Variants in DPH5 observed in about 807,000 individuals in gnomAD.
DPH5 encodes diphthamide biosynthesis 5.
Under a neutral mutation model 31.6 loss-of-function variants are expected in DPH5, and 31 were observed. The ratio of observed to expected loss-of-function variants is 0.98; its 90% CI spans 0.74 to 1.32. The LOEUF is 1.32. DPH5 is among the 40% of genes most tolerant of loss of function. The pLI, the probability that DPH5 is intolerant of heterozygous loss-of-function variation, is 0.00. For synonymous variants in DPH5, 120 were observed against 115.0 expected (o/e 1.04, Z -0.28); for missense variants, 309 against 335.7 (o/e 0.92, Z 0.62).
At chr1:101,008,553 T>A (rs1018895986) in intron 4 of DPH5, among the ~76,000 whole-genome samples, 1 of 151,456 alleles carries the variant, frequency 6.6e-6, no homozygotes, top group Non-Finnish European at 1.5e-5. Flanking sequence ...CTACCCAATA[T>A]GTAGTCTATT....
At chr1:101,021,920 C>T (rs1660489581) in intron 2 of DPH5, among the ~76,000 whole-genome samples, 155 bp from the exon 3 acceptor site, 1 of 151,822 alleles carries the variant, frequency 6.6e-6, no homozygotes, top group Admixed American at 6.6e-5. Flanking sequence ...TTCAATACAA[C>T]TCATCAGTAA....
intron 2 of DPH5, among the ~76,000 whole-genome samples, chr1:101,024,705 T>C (rs1660701194): frequency 6.6e-6 from 1 of 152,258 alleles, no homozygotes; most frequent in African/African-American, 2.4e-5. Flanking sequence ...CAACTATAAA[T>C]GTATAATATA....
intron 6 of DPH5, among the ~76,000 whole-genome samples, chr1:100,993,599 G>T (rs867381183): frequency 0.03 from 1,261 of 41,956 alleles, 26 homozygotes; most frequent in African/African-American, 0.076. Context: ...TATATATATA[G>T]CTATTGTGGC....
chr1:100,993,597 T>TATATATATAG (rs1396586819), intron 6 of DPH5, among the ~76,000 whole-genome samples: 1 of 130,124 alleles, frequency 7.7e-6, no homozygotes, highest in African/African-American at 2.9e-5. Context: ...TATATATATA[T>TATATATATAG]AGCTATTGTG....
chr1:101,019,130 A>G (rs927051004), intron 3 of DPH5, among the ~76,000 whole-genome samples: 6 of 152,220 alleles, frequency 3.9e-5, no homozygotes, highest in African/African-American at 1.2e-4. Context: ...TGTGTTTAAT[A>G]AAGACTTCTT....
chr1:101,021,813 TTC>T, intron 2 of DPH5, 48 bp from the exon 3 acceptor site: 1 of 1,268,712 alleles, frequency 7.9e-7, no homozygotes. Flanking sequence ...CAGGTGACCA[TTC>T]TAACACACAC....
At chr1:100,994,673 C>G (rs969275056) in intron 6 of DPH5, among the ~76,000 whole-genome samples, 2 of 151,982 alleles carry the variant, frequency 1.3e-5, no homozygotes, top group Non-Finnish European at 2.9e-5. Context: ...ATTAAAGGCA[C>G]GTGCCACCAC....
At chr1:101,002,152 G>A (rs1162495088) in intron 4 of DPH5, among the ~76,000 whole-genome samples, 1 of 152,166 alleles carries the variant, frequency 6.6e-6, no homozygotes, top group African/African-American at 2.4e-5. Context: ...AATTTGGCAA[G>A]ATTGTATTTG....
At chr1:101,009,527 G>T (rs1448599397) in intron 4 of DPH5, among the ~76,000 whole-genome samples, 1 of 152,158 alleles carries the variant, frequency 6.6e-6, no homozygotes, top group Non-Finnish European at 1.5e-5. Context: ...AATAGAAAAT[G>T]CTCTTACAAG....
intron 5 of DPH5, among the ~76,000 whole-genome samples, chr1:100,998,687 C>A (rs958611783): frequency 6.6e-6 from 1 of 152,082 alleles, no homozygotes; most frequent in Non-Finnish European, 1.5e-5. Context: ...TGCTAGACTT[C>A]TAGACATTAG....
intron 7 of DPH5, 93 bp from the exon 8 acceptor site, chr1:100,990,724 G>T: frequency 3.3e-6 from 4 of 1,197,390 alleles, no homozygotes; most frequent in Non-Finnish European, 4.7e-6. Flanking sequence ...TACATTTCAA[G>T]AAGCCCCAAA....
At chr1:101,005,583 C>G (rs1659170694) in intron 4 of DPH5, among the ~76,000 whole-genome samples, 1 of 152,136 alleles carries the variant, frequency 6.6e-6, no homozygotes, top group Admixed American at 6.5e-5. Flanking sequence ...TATTCTCACA[C>G]ATAAATGAGA....
rs1660749643 is a variant in DPH5, at chr1:101,025,371, G to A, written c.73C>T (p.Arg25Cys). The change falls in exon 2 of 8, where the codon CGC (arginine) becomes TGC (cysteine). Residue 25 changes from arginine to cysteine, a missense_variant. Coordinates refer to ENST00000370109, the MANE Select transcript of DPH5 (RefSeq NM_015958.3). ...GCTTCCAGATACACTCGACTGCAGCGTCTAACAACTTCCAGGCCCTTGACT... is the reference window on the plus strand; with the variant it reads ...GCTTCCAGATACACTCGACTGCAGCATCTAACAACTTCCAGGCCCTTGACT... The part of the protein sequence containing the change: ...ITVKGLEVVR[R>C]CSRVYLEAYT... 2 of 1,614,142 alleles carry A rather than the reference G, an allele frequency of 1.2e-6. No homozygotes were observed. The highest frequency in any genetic ancestry group is 1.7e-6 in the Non-Finnish European group (2 of 1,180,010).
At chr1:100,996,786 A>C (rs907976909) in intron 5 of DPH5, among the ~76,000 whole-genome samples, 3 of 152,150 alleles carry the variant, frequency 2.0e-5, no homozygotes, top group Non-Finnish European at 4.4e-5. Flanking sequence ...TAATTATATC[A>C]TATATATTGG....
chr1:100,990,257 G>C lies in DPH5; in HGVS notation c.*151C>G. The C allele has an allele frequency of 1.5e-6, 1 of 682,256 alleles. No homozygotes were observed. The highest frequency in any genetic ancestry group is 1.8e-5 in the South Asian group (1 of 55,132). 42.3% of individuals were successfully genotyped at this position (682,256 alleles called of 1,614,324 possible). On this transcript the variant is annotated 3_prime_UTR_variant, in exon 8 of 8. Transcript: ENST00000370109. ...GCTCACTATCATGAGAATAGCATGA[G>C]GGAAACTGCCCCCATGATTCAATTA...
At chr1:101,012,571 G>C (rs1387209951) in intron 4 of DPH5, among the ~76,000 whole-genome samples, 1 of 152,158 alleles carries the variant, frequency 6.6e-6, no homozygotes, top group Non-Finnish European at 1.5e-5. Flanking sequence ...ATAGTTCTAT[G>C]AACAGCATTT....
intron 4 of DPH5, among the ~76,000 whole-genome samples, chr1:101,013,050 GA>G (rs1314659822): frequency 6.6e-6 from 1 of 152,160 alleles, no homozygotes; most frequent in Non-Finnish European, 1.5e-5. Context: ...AACAATTGAT[GA>G]TGTCTTAAAA....
chr1:101,014,507 A>C (rs1659928324), intron 3 of DPH5, among the ~76,000 whole-genome samples: 1 of 152,222 alleles, frequency 6.6e-6, no homozygotes, highest in Non-Finnish European at 1.5e-5. Context: ...GCCAACAATC[A>C]TCTGAGCCTT....
rs778264787 is a variant in DPH5, at chr1:100,992,629, T to C, written c.634+8A>G. On this transcript the variant is annotated splice_region_variant and intron_variant, in intron 7 of 7. Transcript: ENST00000370109. ...ATAATATGAGAGCCCTTCTAGTGTC[T>C]TGAGTACCTGGTTCTTCTCCTCGTA... The C allele has an allele frequency of 6.2e-7, 1 of 1,609,680 alleles. No individual in the cohort carries two copies. The highest frequency in any genetic ancestry group is 1.7e-5 in the Admixed American group (1 of 60,014).
Sources: allele counts gnomAD v4.1 joint callset (sites outside exome capture counted in the v4.1 genomes callset), GRCh38; gene constraint gnomAD v4.1.1; transcripts MANE v1.5; gene names NCBI Gene and HGNC (gene_info 2026-07-23, HGNC 2026-07-21).